SFMBT1: variants seen among roughly 807,000 people sequenced by gnomAD.
SFMBT1 encodes scm-like with four MBT domains protein 1.
SFMBT1 carries 32 observed loss-of-function variants against 108.7 expected under a neutral mutation model. The observed-to-expected ratio is 0.29, with a 90% CI of 0.22 to 0.40. The LOEUF is 0.40. Among genes scored for constraint, SFMBT1 ranks in the 10% least tolerant of loss-of-function variants. The pLI is 1.00. For synonymous variants in SFMBT1, 348 were observed against 369.5 expected, an observed-to-expected ratio of 0.94 and a Z score of 0.67; for missense variants, 816 against 1,059.6, an observed-to-expected ratio of 0.77 and a Z score of 3.19.
At chr3:52,912,427 C>G in intron 16 of SFMBT1, 111 bp downstream of exon 16, 1 of 790,846 alleles carries the variant, frequency 1.3e-6, no homozygotes, top group Non-Finnish European at 2.1e-6. Context: ...ATCCGCCCGC[C>G]TCGGCCTCCC....
intron 10 of SFMBT1, among the ~76,000 whole-genome samples, chr3:52,925,705 T>C (rs1180969583): frequency 6.6e-6 from 1 of 152,218 alleles, no homozygotes; most frequent in African/African-American, 2.4e-5. Context: ...AGAATTTAAA[T>C]AAGCTTAACA....
At chr3:53,016,818 T>C (rs1699141987) in intron 1 of SFMBT1, among the ~76,000 whole-genome samples, 1 of 152,234 alleles carries the variant, frequency 6.6e-6, no homozygotes. Flanking sequence ...CCTTTACAGT[T>C]AGTGCTTTTT....
chr3:52,943,564 A>T lies in SFMBT1; in HGVS notation c.153T>A (p.Ala51=). 3 of 1,614,258 alleles carry T rather than the reference A, an allele frequency of 1.9e-6. No homozygotes were observed. The Middle Eastern group carries it at 4.9e-4, about 266-fold the overall frequency. ...CAGCCACCTCCAGCTTCATCCCAGG[A>T]GCAAATCCATTTTGCAAACGTGTGT... ...HVDTRLQNGF[A]PGMKLEVAVR... Residue 51 remains alanine, a synonymous_variant, in exon 4 of 21, where the codon GCT becomes GCA. Transcript: ENST00000394752.
At chr3:52,914,094 T>G (rs1310025240) in intron 14 of SFMBT1, among the ~76,000 whole-genome samples, 1 of 152,210 alleles carries the variant, frequency 6.6e-6, no homozygotes, top group Non-Finnish European at 1.5e-5. Context: ...GTGAGAGCAA[T>G]CCCATCTCTG....
intron 1 of SFMBT1, among the ~76,000 whole-genome samples, chr3:53,015,657 A>G (rs1232985602): frequency 6.6e-6 from 1 of 152,238 alleles, no homozygotes; most frequent in African/African-American, 2.4e-5. Context: ...CAAAAACTTT[A>G]TGCTAAATTA....
At chr3:52,983,760 G>C (rs959373571) in intron 1 of SFMBT1, among the ~76,000 whole-genome samples, 6 of 152,190 alleles carry the variant, frequency 3.9e-5, no homozygotes, top group African/African-American at 1.2e-4. Flanking sequence ...GGAACAAAAT[G>C]ATCACAGCAG....
intron 1 of SFMBT1, among the ~76,000 whole-genome samples, chr3:52,978,397 C>T (rs1704593897): frequency 6.6e-6 from 1 of 152,118 alleles, no homozygotes; most frequent in South Asian, 2.1e-4. Context: ...GTCAACTTCA[C>T]ACTGCCTGCC....
At chr3:52,975,807 G>A (rs1704498986) in intron 1 of SFMBT1, among the ~76,000 whole-genome samples, 1 of 152,080 alleles carries the variant, frequency 6.6e-6, no homozygotes, top group South Asian at 2.1e-4. Flanking sequence ...TCACCATGTT[G>A]GCCAGGCTGG....
rs1699511187 is a variant in SFMBT1, at chr3:53,026,906, C to G, written c.-131+18910G>C. Among the ~76,000 whole-genome samples the G allele has an allele frequency of 1.3e-5, 2 of 152,094 alleles. 1 individual carries two copies. The stretch of plus-strand genomic sequence containing the variant: ...GCCTCGACCTCCTGGGTTCAGCCTC[C>G]CAAGTAGCTAAGACTACACAATCGT... On this transcript the variant is annotated intron_variant, in intron 1 of 20. Transcript: ENST00000394752.
intron 1 of SFMBT1, among the ~76,000 whole-genome samples, chr3:52,989,105 T>C (rs1440780121): frequency 6.6e-6 from 1 of 152,206 alleles, no homozygotes; most frequent in African/African-American, 2.4e-5. Flanking sequence ...TTCTCCACTT[T>C]TCTATTCTTT....
At chr3:53,009,678 T>C (rs150198656) in intron 1 of SFMBT1, among the ~76,000 whole-genome samples, 4 of 152,164 alleles carry the variant, frequency 2.6e-5, no homozygotes, top group African/African-American at 9.7e-5. Context: ...AAAATCTGCA[T>C]GTAACTTCTG....
At chr3:52,916,285 T>C (rs933451767) in intron 13 of SFMBT1, 71 bp from the exon 14 acceptor site, 9 of 1,405,032 alleles carry the variant, frequency 6.4e-6, no homozygotes, top group Non-Finnish European at 9.0e-6. Flanking sequence ...CTTAGTTTCC[T>C]TCAAATCTAA....
At chr3:53,005,378 T>C (rs933703375) in intron 1 of SFMBT1, among the ~76,000 whole-genome samples, 4 of 152,214 alleles carry the variant, frequency 2.6e-5, no homozygotes, top group African/African-American at 9.6e-5. Context: ...GGTACAATCA[T>C]AGCTCACTAC....
At chr3:53,010,712 A>G (rs1359295472) in intron 1 of SFMBT1, among the ~76,000 whole-genome samples, 1 of 152,218 alleles carries the variant, frequency 6.6e-6, no homozygotes, top group Admixed American at 6.5e-5. Context: ...AAAGTGACAA[A>G]CATCTCTGTA....
In SFMBT1 at chr3:52,907,644, T is replaced by G; in HGVS notation, c.1996A>C (p.Lys666Gln). ...NLACALKKAS[K>Q]RRKRRKNVFV... Reference sequence around the variant, plus strand: ...ACATTTTTCCGCCTCTTTCTCCTCTTACTGGCTTTTTTCAGGGCACAAGCT... The same window carrying G: ...ACATTTTTCCGCCTCTTTCTCCTCTGACTGGCTTTTTTCAGGGCACAAGCT... Residue 666 changes from lysine to glutamine, a missense_variant, in exon 18 of 21, where the codon AAG becomes CAG. By Grantham distance (53) the Lys-to-Gln change is moderately conservative. Transcript: ENST00000394752. 1 of 1,614,222 alleles carries G rather than the reference T, an allele frequency of 6.2e-7. No homozygotes were observed. Among genetic ancestry groups the G allele is most frequent in the East Asian group, 2.2e-5 (1 of 44,874 alleles).
chr3:52,992,752 T>C (rs941953166), intron 1 of SFMBT1, among the ~76,000 whole-genome samples: 1 of 152,220 alleles, frequency 6.6e-6, no homozygotes, highest in Non-Finnish European at 1.5e-5. Context: ...ACAATAAATA[T>C]ACATTCCCAT....
intron 1 of SFMBT1, among the ~76,000 whole-genome samples, chr3:53,032,129 A>G (rs2106959566): frequency 6.6e-6 from 1 of 152,316 alleles, no homozygotes; most frequent in Non-Finnish European, 1.5e-5. Context: ...CAGCACTTTC[A>G]GAGCCCAAGG....
intron 3 of SFMBT1, among the ~76,000 whole-genome samples, chr3:52,953,601 T>C (rs1422810180): frequency 2.6e-5 from 4 of 152,180 alleles, no homozygotes; most frequent in African/African-American, 9.7e-5. Flanking sequence ...GCCACTAATA[T>C]GACATGTAAA....
At position 52,912,657 on chromosome 3, in the gene SFMBT1, G is replaced by A. The variant is rs887459807; in HGVS notation, c.1621-10C>T. 2 of 1,598,994 alleles carry A rather than the reference G, an allele frequency of 1.3e-6. No homozygotes were observed. The highest frequency in any genetic ancestry group is 1.7e-6 in the Non-Finnish European group (2 of 1,166,610). On this transcript the variant is annotated splice_polypyrimidine_tract_variant and intron_variant, in intron 15 of 20. Transcript: ENST00000394752. ...TAAGTAAAGTGAGGACCTGAGCTCA[G>A]TTTTAAAGCAGAAACACAGATTGGG...
Sources: gnomAD v4.1 joint callset for allele counts (sites outside exome capture counted in the v4.1 genomes callset) on GRCh38, gnomAD v4.1.1 for gene constraint, MANE v1.5 for transcripts, NCBI Gene and HGNC (gene_info 2026-07-23, HGNC 2026-07-21) for gene names.